Variants in PARD3B observed in about 807,000 individuals in gnomAD.
PARD3B encodes partitioning defective 3 homolog B.
PARD3B carries 103 observed loss-of-function variants against 130.2 expected under a neutral mutation model. The ratio of observed to expected loss-of-function variants is 0.79; its 90% CI spans 0.67 to 0.93. The LOEUF is 0.93. Ranked by LOEUF, PARD3B falls within the 40% of genes least tolerant of loss-of-function variation. The pLI, the probability that PARD3B is intolerant of heterozygous loss-of-function variation, is 0.00. For missense variants in PARD3B, 1,609 were observed against 1,499.2 expected, an observed-to-expected ratio of 1.07 and a Z score of -1.21; for synonymous variants, 583 against 553.2, an observed-to-expected ratio of 1.05 and a Z score of -0.76.
In PARD3B at chr2:205,294,840, A is replaced by G. The variant is rs563183257; in HGVS notation, c.2186-5690A>G. Among the ~76,000 whole-genome samples the G allele has an allele frequency of 2.5e-4, 38 of 152,324 alleles. No homozygotes were observed. The South Asian group carries it at 4.1e-3, about 17-fold the overall frequency. On this transcript the variant is annotated intron_variant, in intron 16 of 22. Transcript: ENST00000406610. ...AGCAGATAATGTAAAGCCAAATTGC[A>G]TTATGCCCTATGGTAATGAATAGGA...
At chr2:204,777,916 T>C (rs531124036) in intron 2 of PARD3B, among the ~76,000 whole-genome samples, 1 of 152,138 alleles carries the variant, frequency 6.6e-6, no homozygotes, top group South Asian at 2.1e-4. Context: ...TGATAGTGAG[T>C]TTCATGAGCT....
At chr2:205,167,671 C>T (rs2034897247) in intron 11 of PARD3B, among the ~76,000 whole-genome samples, 1 of 152,104 alleles carries the variant, frequency 6.6e-6, no homozygotes, top group Non-Finnish European at 1.5e-5. Context: ...AACTCTTTGT[C>T]ATTAATATAG....
At chr2:204,853,661 AC>A (rs895434048) in intron 2 of PARD3B, among the ~76,000 whole-genome samples, 4 of 151,980 alleles carry the variant, frequency 2.6e-5, no homozygotes, top group African/African-American at 9.7e-5. Flanking sequence ...AGAAAAAGAA[AC>A]AGAGGATATG....
At chr2:205,395,848 G>T (rs776560350) in intron 18 of PARD3B, among the ~76,000 whole-genome samples, 29 of 152,096 alleles carry the variant, frequency 1.9e-4, no homozygotes, top group Non-Finnish European at 4.0e-4. Context: ...AAAACACTTG[G>T]TTCCTCTGCC....
chr2:205,529,935 T>C (rs956545234), intron 21 of PARD3B, among the ~76,000 whole-genome samples: 3 of 152,098 alleles, frequency 2.0e-5, no homozygotes, highest in Admixed American at 6.6e-5. Context: ...CTTAGAGCAA[T>C]TACCCACCTG....
intron 16 of PARD3B, among the ~76,000 whole-genome samples, chr2:205,272,643 C>G (rs1228374461): frequency 6.6e-6 from 1 of 152,164 alleles, no homozygotes; most frequent in Non-Finnish European, 1.5e-5. Context: ...TTCTGGCCTC[C>G]TGCGTCTCCA....
At chr2:205,471,418 G>A (rs2048829599) in intron 20 of PARD3B, among the ~76,000 whole-genome samples, 1 of 139,186 alleles carries the variant, frequency 7.2e-6, no homozygotes, top group Non-Finnish European at 1.5e-5. Context: ...CTATAGTGCA[G>A]TGGCGCAATC....
intron 22 of PARD3B, among the ~76,000 whole-genome samples, chr2:205,604,838 T>C (rs909549983): frequency 2.0e-5 from 3 of 152,216 alleles, no homozygotes; most frequent in African/African-American, 7.2e-5. Context: ...CTCTTTCAGG[T>C]ACCCTAATTA....
chr2:205,453,992 C>T (rs925980678), intron 20 of PARD3B, among the ~76,000 whole-genome samples: 1 of 150,728 alleles, frequency 6.6e-6, no homozygotes, highest in African/African-American at 2.5e-5. Flanking sequence ...TCCTCCCTTT[C>T]TCCCTCATTT....
chr2:205,363,430 G>T (rs753891404), intron 18 of PARD3B, among the ~76,000 whole-genome samples: 5 of 152,142 alleles, frequency 3.3e-5, no homozygotes, highest in Non-Finnish European at 7.3e-5. Flanking sequence ...TAAGATAAAG[G>T]TCAACAAATT....
chr2:205,162,109 G>T (rs2034540062), intron 11 of PARD3B, among the ~76,000 whole-genome samples: 1 of 152,094 alleles, frequency 6.6e-6, no homozygotes, highest in South Asian at 2.1e-4. Context: ...TCTAATAGAG[G>T]ATGTAAATCT....
Position 205,401,019 on chromosome 2 carries a change from A to T in PARD3B, c.2637A>T (p.Gly879=). ...CTCCTTCACGTTTCACTAGATTTGG[A>T]AAGAAGAAAGAGGATAAGGGTGGAA... ...KKGFGAMLRF[G]KKKEDKGGKA... Residue 879 remains glycine (G), a synonymous_variant, in exon 19 of 23, where the codon GGA becomes GGT. Coordinates refer to ENST00000406610, the MANE Select transcript of PARD3B (RefSeq NM_001302769.2). The T allele has an allele frequency of 6.3e-7, 1 of 1,594,744 alleles. No individual in the cohort carries two copies. Among genetic ancestry groups the T allele is most frequent in the Non-Finnish European group, 8.5e-7 (1 of 1,169,818 alleles).
chr2:204,692,078 A>G (rs549146150), intron 2 of PARD3B, among the ~76,000 whole-genome samples: 1 of 152,218 alleles, frequency 6.6e-6, no homozygotes, highest in East Asian at 1.9e-4. Context: ...TCTTAAGCCA[A>G]ATTGCTTTCT....
chr2:205,238,849 A>AAAAAAAATATAT (rs1273582854), intron 15 of PARD3B, among the ~76,000 whole-genome samples: 11 of 76,900 alleles, frequency 1.4e-4, no homozygotes, highest in Non-Finnish European at 2.3e-4. Context: ...AAAAAAAAAA[A>AAAAAAAATATAT]ATATATATAT....
chr2:205,593,675 C>G (rs892021375), intron 22 of PARD3B, among the ~76,000 whole-genome samples: 1 of 152,160 alleles, frequency 6.6e-6, no homozygotes, highest in Non-Finnish European at 1.5e-5. Flanking sequence ...TAGAGTCCCC[C>G]TTTTCTGAAG....
At chr2:204,969,788 T>C (rs903552292) in intron 3 of PARD3B, among the ~76,000 whole-genome samples, 16 of 152,176 alleles carry the variant, frequency 1.1e-4, no homozygotes, top group African/African-American at 3.6e-4. Context: ...AATAAATAGA[T>C]ACTATGAATA....
chr2:205,455,415 A>T (rs956760137), intron 20 of PARD3B, among the ~76,000 whole-genome samples: 3 of 152,138 alleles, frequency 2.0e-5, no homozygotes, highest in African/African-American at 7.2e-5. Context: ...AGTTTAAGCT[A>T]ATGTAATATA....
Position 205,193,213 on chromosome 2 carries a change from T to C in PARD3B, c.2033T>C (p.Val678Ala). The change falls in exon 15 of 23, where the codon GTG becomes GCG. Residue 678 changes from valine to alanine, a missense_variant. By Grantham distance (64) the Val-to-Ala change is moderately conservative (BLOSUM62 0). Transcript: ENST00000406610. ...ATGGCTTCCTTCCACAGCTCTGGGG[T>C]GGATTCAGCAGTATATTTTCCAGAT... is the stretch of plus-strand genomic sequence containing the variant. Reference protein sequence around the residue: ...GLEDYSHSSGVDSAVYFPDQH... With the variant: ...GLEDYSHSSGADSAVYFPDQH... 4 of 1,605,616 alleles carry C rather than the reference T, an allele frequency of 2.5e-6. No homozygotes were observed. Among genetic ancestry groups the C allele is most frequent in the Non-Finnish European group, 3.4e-6 (4 of 1,172,372 alleles).
rs910858296 is a variant in PARD3B at position 205,057,257 on chromosome 2, G to A, written c.504+9567G>A. 6.7e-4 allele frequency among the ~76,000 whole-genome samples: 100 copies of A among 148,666 alleles called. 5 individuals carry two copies. The highest frequency in any genetic ancestry group is 1.3e-3 in the South Asian group (6 of 4,744). Reference sequence around the variant, plus strand: ...TTATATACATATACATGTGTTATACGTATATGTTATATGTATGTTATATAC... The same window carrying A: ...TTATATACATATACATGTGTTATACATATATGTTATATGTATGTTATATAC... On this transcript the variant is annotated intron_variant, in intron 4 of 22. Transcript: ENST00000406610.
Sources: gnomAD v4.1 joint callset for allele counts (sites outside exome capture counted in the v4.1 genomes callset) on GRCh38, gnomAD v4.1.1 for gene constraint, MANE v1.5 for transcripts, NCBI Gene and HGNC (gene_info 2026-07-23, HGNC 2026-07-21) for gene names.